SH3RF3: variants seen among roughly 807,000 people sequenced by gnomAD.
SH3RF3 encodes the protein E3 ubiquitin-protein ligase SH3RF3.
Under a neutral mutation model 66.3 loss-of-function variants are expected in SH3RF3, and 29 were observed. The ratio of observed to expected loss-of-function variants is 0.44; its 90% CI spans 0.33 to 0.60. The LOEUF (loss-of-function observed/expected upper bound fraction) is 0.60. SH3RF3 is among the 20% of genes least tolerant of loss of function. The pLI is 0.04. For missense variants in SH3RF3, 1,194 were observed against 1,190.9 expected (o/e 1.00, Z -0.04); for synonymous variants, 583 against 532.0 (o/e 1.10, Z -1.32).
At chr2:109,288,710 C>T (rs571325339) in intron 1 of SH3RF3, among the ~76,000 whole-genome samples, 1 of 152,296 alleles carries the variant, frequency 6.6e-6, no homozygotes, top group Non-Finnish European at 1.5e-5. Flanking sequence ...ATTGCTGGAC[C>T]TGACCCCTGT....
intron 1 of SH3RF3, among the ~76,000 whole-genome samples, chr2:109,197,702 G>A (rs2105048971): frequency 6.6e-6 from 1 of 152,360 alleles, no homozygotes; most frequent in South Asian, 2.1e-4. Flanking sequence ...GGGCCCAGTA[G>A]GGCCGGGTGT....
chr2:109,309,720 A>C (rs1681682518), intron 1 of SH3RF3, among the ~76,000 whole-genome samples: 1 of 127,900 alleles, frequency 7.8e-6, no homozygotes, highest in Admixed American at 7.6e-5. Flanking sequence ...ACTTTAAACC[A>C]ACAAAGATCA....
intron 1 of SH3RF3, among the ~76,000 whole-genome samples, chr2:109,229,347 C>T (rs540753507): frequency 2.6e-5 from 4 of 152,358 alleles, no homozygotes; most frequent in African/African-American, 9.6e-5. Context: ...ACTTTTCATA[C>T]ATTAACATGA....
intron 6 of SH3RF3, among the ~76,000 whole-genome samples, chr2:109,434,601 C>T (rs1445695756): frequency 6.6e-6 from 1 of 152,210 alleles, no homozygotes; most frequent in Admixed American, 6.5e-5. Context: ...CCTGAATATC[C>T]TTCAAGAGCT....
At chr2:109,177,165 C>G (rs1473114332) in intron 1 of SH3RF3, among the ~76,000 whole-genome samples, 1 of 152,202 alleles carries the variant, frequency 6.6e-6, no homozygotes, top group Admixed American at 6.5e-5. Context: ...TACAGACACA[C>G]TCAGCCCAGA....
intron 1 of SH3RF3, among the ~76,000 whole-genome samples, chr2:109,275,312 A>T (rs547828825): frequency 4.9e-4 from 74 of 152,246 alleles, no homozygotes; most frequent in African/African-American, 1.7e-3. Flanking sequence ...CACCAGGGGA[A>T]ATCAGATCAC....
At chr2:109,388,331 A>T (rs779435429) in intron 3 of SH3RF3, among the ~76,000 whole-genome samples, 10 of 152,182 alleles carry the variant, frequency 6.6e-5, no homozygotes, top group Non-Finnish European at 1.3e-4. Flanking sequence ...CTTTGTGAAC[A>T]TGGAACACAT....
chr2:109,424,501 CG>C (rs1347195457), intron 5 of SH3RF3, among the ~76,000 whole-genome samples: 4 of 152,156 alleles, frequency 2.6e-5, no homozygotes, highest in Non-Finnish European at 4.4e-5. Context: ...ATTGAAGCTT[CG>C]GGGCAACCCA....
chr2:109,497,951 G>C (rs1679294850), intron 9 of SH3RF3, among the ~76,000 whole-genome samples: 1 of 152,218 alleles, frequency 6.6e-6, no homozygotes, highest in South Asian at 2.1e-4. Flanking sequence ...GTTTGGAAGA[G>C]GTGGAGGATG....
chr2:109,286,258 A>G (rs1367344305), intron 1 of SH3RF3, among the ~76,000 whole-genome samples: 1 of 152,244 alleles, frequency 6.6e-6, no homozygotes, highest in East Asian at 1.9e-4. Context: ...ATGCTCTGCC[A>G]TCAGCAGATT....
intron 1 of SH3RF3, among the ~76,000 whole-genome samples, chr2:109,214,963 C>T (rs1474744842): frequency 6.6e-6 from 1 of 152,150 alleles, no homozygotes; most frequent in East Asian, 1.9e-4. Context: ...AGAGAAGGGG[C>T]ACGTCGCTGA....
At chr2:109,202,507 C>T (rs569442501) in intron 1 of SH3RF3, among the ~76,000 whole-genome samples, 13 of 152,336 alleles carry the variant, frequency 8.5e-5, no homozygotes, top group African/African-American at 3.1e-4. Flanking sequence ...CCTCACATGT[C>T]TGGGTAGCTG....
intron 1 of SH3RF3, among the ~76,000 whole-genome samples, chr2:109,259,683 C>T (rs995960810): frequency 2.6e-5 from 4 of 152,250 alleles, no homozygotes; most frequent in Admixed American, 6.5e-5. Context: ...CTTGCTCTCA[C>T]GGCCTACGGA....
intron 1 of SH3RF3, among the ~76,000 whole-genome samples, chr2:109,281,879 A>T (rs1163544765): frequency 6.6e-6 from 1 of 152,150 alleles, no homozygotes; most frequent in Non-Finnish European, 1.5e-5. Context: ...GACGGTTCCC[A>T]CTGAGAGGGA....
intron 1 of SH3RF3, among the ~76,000 whole-genome samples, chr2:109,250,080 G>A (rs1478854689): frequency 3.4e-5 from 5 of 149,156 alleles, no homozygotes; most frequent in Admixed American, 6.6e-5. Context: ...GGGCAAAACA[G>A]TAGGTGTTCC....
At chr2:109,189,234 G>T (rs1678277251) in intron 1 of SH3RF3, among the ~76,000 whole-genome samples, 1 of 151,862 alleles carries the variant, frequency 6.6e-6, no homozygotes, top group Admixed American at 6.6e-5. Flanking sequence ...TGTTCAGAAG[G>T]AGGTGGCGTG....
At chr2:109,278,370 C>T (rs1265271647) in intron 1 of SH3RF3, among the ~76,000 whole-genome samples, 2 of 152,172 alleles carry the variant, frequency 1.3e-5, no homozygotes, top group African/African-American at 4.8e-5. Flanking sequence ...TGGGGCTTGC[C>T]AGTCTGCAGT....
chr2:109,207,577 A>G (rs188313987), intron 1 of SH3RF3, among the ~76,000 whole-genome samples: 55 of 152,328 alleles, frequency 3.6e-4, no homozygotes, highest in Middle Eastern at 3.4e-3. Context: ...GTGTGCTATT[A>G]AGATATTGAA....
intron 1 of SH3RF3, among the ~76,000 whole-genome samples, chr2:109,133,692 T>C (rs1676748720): frequency 1.3e-5 from 2 of 151,814 alleles, no homozygotes. Flanking sequence ...GAGTCTTTCA[T>C]ACATGGTCAT....
Sources: gnomAD v4.1 joint callset for allele counts (sites outside exome capture counted in the v4.1 genomes callset) on GRCh38, gnomAD v4.1.1 for gene constraint, MANE v1.5 for transcripts, NCBI Gene and HGNC (gene_info 2026-07-23, HGNC 2026-07-21) for gene names.